CCDC7: variants seen among roughly 807,000 people sequenced by gnomAD.
CCDC7 encodes the protein coiled-coil domain containing 7.
A neutral mutation model predicts 196.9 loss-of-function variants in CCDC7; 183 were observed. That is an observed-to-expected ratio of 0.93 (90% confidence interval 0.82 to 1.05). The LOEUF (loss-of-function observed/expected upper bound fraction) is 1.05. Ranked by LOEUF, CCDC7 falls within the 50% of genes least tolerant of loss-of-function variation. CCDC7 has a pLI of 0.00. For synonymous variants in CCDC7, 525 were observed against 484.6 expected (o/e 1.08, Z -1.10); for missense variants, 1,540 against 1,482.2 (o/e 1.04, Z -0.64).
intron 31 of CCDC7, among the ~76,000 whole-genome samples, chr10:32,821,731 T>C (rs1214559793): frequency 6.6e-6 from 1 of 151,822 alleles, no homozygotes; most frequent in East Asian, 1.9e-4. Context: ...AAACACCACA[T>C]GTTCTCTCTC....
intron 15 of CCDC7, among the ~76,000 whole-genome samples, chr10:32,570,233 A>G (rs1371057310): frequency 6.6e-6 from 1 of 152,176 alleles, no homozygotes; most frequent in Non-Finnish European, 1.5e-5. Flanking sequence ...GAAACTAGAA[A>G]GCCCAGCATC....
chr10:32,846,431 A>G (rs781773555), exon 37 of CCDC7: 1 of 1,588,846 alleles, frequency 6.3e-7, no homozygotes, highest in East Asian at 2.3e-5. Flanking sequence ...TAAAGGGACC[A>G]ATCAGTGCAC....
intron 29 of CCDC7, among the ~76,000 whole-genome samples, chr10:32,791,922 T>C (rs1483453752): frequency 6.6e-6 from 1 of 152,136 alleles, no homozygotes; most frequent in East Asian, 1.9e-4. Flanking sequence ...TCAAGGCACA[T>C]TATAATCAAA....
intron 28 of CCDC7, among the ~76,000 whole-genome samples, chr10:32,733,681 C>G (rs1315821094): frequency 2.6e-5 from 4 of 151,972 alleles, no homozygotes; most frequent in African/African-American, 7.3e-5. Flanking sequence ...TTCTATATTA[C>G]TAAGATAAGT....
intron 20 of CCDC7, among the ~76,000 whole-genome samples, chr10:32,649,089 C>T (rs992222548): frequency 2.0e-5 from 3 of 152,130 alleles, no homozygotes; most frequent in Non-Finnish European, 2.9e-5. Context: ...ATTCTTACTT[C>T]TAAGTGAGAG....
At chr10:32,743,689 C>T (rs1306482449) in intron 28 of CCDC7, among the ~76,000 whole-genome samples, 3 of 152,022 alleles carry the variant, frequency 2.0e-5, no homozygotes, top group South Asian at 2.1e-4. Flanking sequence ...CACATGCACA[C>T]GTATGTTTAT....
intron 11 of CCDC7, among the ~76,000 whole-genome samples, chr10:32,539,426 A>G (rs1001976425): frequency 4.6e-5 from 7 of 151,672 alleles, no homozygotes; most frequent in African/African-American, 1.7e-4. Flanking sequence ...CTCTGTTTTT[A>G]TTTGTGTAGC....
chr10:32,705,853 C>G (rs1199836387), intron 24 of CCDC7, among the ~76,000 whole-genome samples: 3 of 152,060 alleles, frequency 2.0e-5, no homozygotes, highest in Non-Finnish European at 1.5e-5. Flanking sequence ...GACTTAGACT[C>G]CCACACAATA....
exon 23 of CCDC7, chr10:32,689,084 A>G: frequency 1.2e-6 from 2 of 1,606,546 alleles, no homozygotes; most frequent in African/African-American, 1.3e-5. Flanking sequence ...AAAATCTTAT[A>G]CTTAGGCATC....
intron 20 of CCDC7, among the ~76,000 whole-genome samples, chr10:32,645,726 G>A (rs888900506): frequency 6.6e-6 from 1 of 151,744 alleles, no homozygotes; most frequent in African/African-American, 2.4e-5. Context: ...CTCATTATTG[G>A]TGTGTTGAGA....
intron 18 of CCDC7, among the ~76,000 whole-genome samples, chr10:32,600,246 A>AT (rs955537124): frequency 1.4e-5 from 2 of 148,074 alleles, no homozygotes; most frequent in Non-Finnish European, 3.0e-5. Flanking sequence ...TTTTAGCAGT[A>AT]TTTTATAGTT....
intron 13 of CCDC7, among the ~76,000 whole-genome samples, chr10:32,563,969 C>A (rs561308948): frequency 1.3e-5 from 2 of 152,248 alleles, no homozygotes; most frequent in African/African-American, 4.8e-5. Flanking sequence ...AAACAAACAA[C>A]CCCATCAAAA....
At chr10:32,584,865 A>G (rs1304658489) in intron 18 of CCDC7, among the ~76,000 whole-genome samples, 1 of 151,992 alleles carries the variant, frequency 6.6e-6, no homozygotes, top group Non-Finnish European at 1.5e-5. Context: ...TCTCAAGCAA[A>G]TAATAGTATG....
chr10:32,481,607 T>A (rs963996881), intron 8 of CCDC7: 1 of 152,204 alleles, frequency 6.6e-6, no homozygotes, highest in African/African-American at 2.4e-5. Flanking sequence ...TATACACACT[T>A]TCACCAGTGA....
In CCDC7 at chr10:32,758,590, G is replaced by A. The variant is rs182496212; in HGVS notation, c.2906-20387G>A. ...CTCTCAATAAACTAGGTATTGATGG[G>A]ACATATCTCAAAATAATGAGATATT... On this transcript the variant is annotated intron_variant, in intron 28 of 41. Transcript: ENST00000639629. Among the ~76,000 whole-genome samples the A allele has an allele frequency of 3.1e-3, 472 of 152,160 alleles. 2 individuals are homozygous for A. The highest frequency in any genetic ancestry group is 0.011 in the African/African-American group (438 of 41,526).
intron 18 of CCDC7, among the ~76,000 whole-genome samples, chr10:32,611,145 G>C (rs1232846350): frequency 2.0e-5 from 3 of 152,122 alleles, no homozygotes; most frequent in African/African-American, 7.2e-5. Flanking sequence ...TCTCATTGTG[G>C]TTTTGATTTG....
intron 11 of CCDC7, among the ~76,000 whole-genome samples, chr10:32,533,103 T>G (rs2049933382): frequency 6.6e-6 from 1 of 152,096 alleles, no homozygotes; most frequent in African/African-American, 2.4e-5. Flanking sequence ...GATTTATTGC[T>G]TTTGACTTTT....
intron 33 of CCDC7, among the ~76,000 whole-genome samples, chr10:32,836,053 G>A (rs1268844576): frequency 3.3e-5 from 5 of 152,094 alleles, no homozygotes; most frequent in African/African-American, 1.2e-4. Flanking sequence ...TTATTCAGTT[G>A]TGTTCCACAA....
At chr10:32,629,153 T>C (rs2064469413) in intron 18 of CCDC7, among the ~76,000 whole-genome samples, 1 of 152,156 alleles carries the variant, frequency 6.6e-6, no homozygotes, top group East Asian at 1.9e-4. Context: ...ACATTTAATA[T>C]TTGCTTTATG....
Sources: gnomAD v4.1 joint callset for allele counts (sites outside exome capture counted in the v4.1 genomes callset) on GRCh38, gnomAD v4.1.1 for gene constraint, MANE v1.5 for transcripts, NCBI Gene and HGNC (gene_info 2026-07-23, HGNC 2026-07-21) for gene names.